The following RBFOX3 variants were observed in gnomAD, a reference collection of about 807,000 sequenced individuals.
RBFOX3 encodes RNA binding protein fox-1 homolog 3.
Under a neutral mutation model 48.7 loss-of-function variants are expected in RBFOX3, and 17 were observed. The ratio of observed to expected loss-of-function variants is 0.35; its 90% CI spans 0.24 to 0.52. The LOEUF is 0.52. RBFOX3 is among the 20% of genes least tolerant of loss of function. The probability of loss-of-function intolerance (pLI) is 0.94; values close to 1 mark genes in which losing one functional copy is unlikely to be tolerated. For synonymous variants in RBFOX3, 212 were observed against 209.5 expected (o/e 1.01, Z -0.10); for missense variants, 382 against 497.5 (o/e 0.77, Z 2.21).
chr17:79,610,570 T>C (rs1306133534), intron 1 of RBFOX3, among the ~76,000 whole-genome samples: 1 of 151,902 alleles, frequency 6.6e-6, no homozygotes, highest in Non-Finnish European at 1.5e-5. Context: ...ATCGCCCCTC[T>C]GGCCCACGGC....
At chr17:79,348,902 G>A (rs567841973) in intron 2 of RBFOX3, among the ~76,000 whole-genome samples, 19 of 151,402 alleles carry the variant, frequency 1.3e-4, no homozygotes, top group African/African-American at 4.6e-4. Flanking sequence ...ATCATAATGT[G>A]TCCAAGCAGA....
chr17:79,317,834 C>T (rs1252214407), intron 2 of RBFOX3, among the ~76,000 whole-genome samples: 1 of 152,074 alleles, frequency 6.6e-6, no homozygotes, highest in Non-Finnish European at 1.5e-5. Flanking sequence ...GGCCATCACT[C>T]GGCAGGCAAA....
Position 79,482,791 on chromosome 17 carries a change from T to G in RBFOX3, c.-319-193A>C, listed in dbSNP as rs372469987. 2.7e-3 allele frequency among the ~76,000 whole-genome samples: 409 copies of G among 151,526 alleles called. 8 individuals are homozygous for G. The South Asian group carries it at 0.041, about 15-fold the overall frequency. ...CTTTGCTTTTTATGCCCCAGGGGAG[T>G]AAAAGGAAACTTGCAGAAAACACAT... is the stretch of plus-strand genomic sequence containing the variant. On this transcript the variant is annotated intron_variant, in intron 1 of 14. Transcript: ENST00000693108. This position sits in a 1 kb window ranked among gnomAD's most constrained non-coding sequence, Gnocchi z 4.1.
At chr17:79,444,445 C>T (rs2071812566) in intron 2 of RBFOX3, among the ~76,000 whole-genome samples, 1 of 152,178 alleles carries the variant, frequency 6.6e-6, no homozygotes, top group African/African-American at 2.4e-5. Context: ...GGCTGAGCAA[C>T]ACCCCATGAA....
intron 3 of RBFOX3, among the ~76,000 whole-genome samples, chr17:79,255,030 G>A (rs547200087): frequency 6.6e-6 from 1 of 152,232 alleles, no homozygotes; most frequent in African/African-American, 2.4e-5. Context: ...TTGGGACCTT[G>A]CTGGCTTCCT....
chr17:79,551,321 A>G (rs1239454690), intron 1 of RBFOX3, among the ~76,000 whole-genome samples: 1 of 152,014 alleles, frequency 6.6e-6, no homozygotes, highest in Non-Finnish European at 1.5e-5. Context: ...CAACTTTAAC[A>G]TGTAGTATAA....
intron 2 of RBFOX3, among the ~76,000 whole-genome samples, chr17:79,399,337 G>A (rs901345274): frequency 2.6e-5 from 4 of 152,216 alleles, no homozygotes; most frequent in South Asian, 2.1e-4. Flanking sequence ...GCAAAGGTGC[G>A]TGCCCGCACA....
In RBFOX3 at chr17:79,481,283, C is replaced by CA. The variant is rs1229278680; in HGVS notation, c.-175+1170dup. ...AGCCTGCCTGCAGGCTTCAGGGCTC[C>CA]AGTCCTCCCTGCCTGGGGGTCGCTG... On this transcript the variant is annotated intron_variant, in intron 2 of 14. Transcript: ENST00000693108. This position sits in a 1 kb window ranked among gnomAD's most constrained non-coding sequence, Gnocchi z 5.4. Among the ~76,000 whole-genome samples the CA allele has an allele frequency of 3.9e-5, 6 of 152,162 alleles. No homozygotes were observed. The highest frequency in any genetic ancestry group is 7.3e-5 in the Non-Finnish European group (5 of 68,040).
At chr17:79,259,018 C>T (rs2065312513) in intron 3 of RBFOX3, among the ~76,000 whole-genome samples, 1 of 152,256 alleles carries the variant, frequency 6.6e-6, no homozygotes, top group Admixed American at 6.5e-5. Context: ...TGCAGAGTCG[C>T]TTATCACTTG....
At chr17:79,236,909 G>A (rs973521128) in intron 3 of RBFOX3, among the ~76,000 whole-genome samples, 2 of 152,152 alleles carry the variant, frequency 1.3e-5, no homozygotes, top group African/African-American at 4.8e-5. Flanking sequence ...CTTTATTTTA[G>A]TAATGTTTCA....
At chr17:79,463,219 T>C (rs1487980315) in intron 2 of RBFOX3, among the ~76,000 whole-genome samples, 49 of 32,546 alleles carry the variant, frequency 1.5e-3, no homozygotes, top group Admixed American at 1.9e-3. Context: ...CCACCTCCAC[T>C]GCCATCGCCA....
chr17:79,336,678 AAGGGCAGCTCATTC>A (rs2146515375), intron 2 of RBFOX3, among the ~76,000 whole-genome samples: 1 of 152,236 alleles, frequency 6.6e-6, no homozygotes, highest in East Asian at 1.9e-4. Context: ...TGGCTCAACC[AAGGGCAGCTCATTC>A]AGGGGGATCA....
chr17:79,391,089 G>A lies in RBFOX3; in HGVS notation c.-174-83265C>T, dbSNP rs1198909404. ...GGAGCCTTCGCACCTCGGGTCTGGTGGCCTGTAACCCCTGCCAGCCAGGCT... is the reference window on the plus strand; with the variant it reads ...GGAGCCTTCGCACCTCGGGTCTGGTAGCCTGTAACCCCTGCCAGCCAGGCT... On this transcript the variant is annotated intron_variant, in intron 2 of 14. Coordinates refer to ENST00000693108, the MANE Select transcript of RBFOX3 (RefSeq NM_001350451.2). This position sits in a 1 kb window ranked among gnomAD's most constrained non-coding sequence, Gnocchi z 5.0. Among the ~76,000 whole-genome samples the A allele has an allele frequency of 6.6e-6, 1 of 152,130 alleles. No individual in the cohort carries two copies. The highest frequency in any genetic ancestry group is 2.4e-5 in the African/African-American group (1 of 41,428).
chr17:79,637,169 G>A, the RBFOX3 span, among the ~76,000 whole-genome samples: 6 of 152,184 alleles, frequency 3.9e-5, no homozygotes, highest in African/African-American at 4.8e-5. Context: ...CATTGAAAGA[G>A]CTAAAGGGAG....
chr17:79,630,550 C>T, the RBFOX3 span, among the ~76,000 whole-genome samples: 9 of 152,242 alleles, frequency 5.9e-5, no homozygotes, highest in East Asian at 1.5e-3. Flanking sequence ...ATGTTAGGGG[C>T]TCTCCAAATG....
intron 2 of RBFOX3, among the ~76,000 whole-genome samples, chr17:79,384,239 G>C (rs537660754): frequency 6.6e-6 from 1 of 152,304 alleles, no homozygotes; most frequent in East Asian, 1.9e-4. Flanking sequence ...GGTAAGGGGA[G>C]CGAGGAAGGT....
chr17:79,313,239 G>A (rs971874855), intron 2 of RBFOX3, among the ~76,000 whole-genome samples: 2 of 152,204 alleles, frequency 1.3e-5, no homozygotes, highest in Admixed American at 6.5e-5. Context: ...TATCAAAGGG[G>A]TAGGGCAGGC....
Position 79,097,501 on chromosome 17 carries a change from C to T in RBFOX3, c.623-77G>A, listed in dbSNP as rs1012750113. 322 of 1,348,594 alleles carry T rather than the reference C, an allele frequency of 2.4e-4. 1 individual carries two copies. Among genetic ancestry groups the T allele is most frequent in the Non-Finnish European group, 3.0e-4 (317 of 1,039,660 alleles). The allele number at this position is 1,348,594 out of a possible 1,614,324, so 83.5% of individuals were successfully genotyped here. On this transcript the variant is annotated intron_variant, in intron 10 of 14. Coordinates refer to ENST00000693108, the MANE Select transcript of RBFOX3 (RefSeq NM_001350451.2). ...TGGCACCCCCTCCCCGTACACCTAG[C>T]CCCCCCGCGCACCTAGCCCCCAACC...
At chr17:79,291,268 C>A (rs896467340) in intron 3 of RBFOX3, among the ~76,000 whole-genome samples, 8 of 152,210 alleles carry the variant, frequency 5.3e-5, no homozygotes, top group African/African-American at 1.9e-4. Flanking sequence ...AGGTTATTTT[C>A]TCTCTCAGAT....
Sources: allele counts gnomAD v4.1 joint callset (sites outside exome capture counted in the v4.1 genomes callset), GRCh38; gene constraint gnomAD v4.1.1; non-coding constraint Gnocchi (gnomAD v3.1); transcripts MANE v1.5; gene names NCBI Gene and HGNC (gene_info 2026-07-23, HGNC 2026-07-21).